RARB: variants seen among roughly 807,000 people sequenced by gnomAD.
RARB encodes retinoic acid receptor beta.
RARB carries 17 observed loss-of-function variants against 51.9 expected under a neutral mutation model. That is an observed-to-expected ratio of 0.33 (90% CI 0.22 to 0.49). RARB has a LOEUF of 0.49. Among genes scored for constraint, RARB ranks in the 20% least tolerant of loss-of-function variants. The pLI is 0.99. For missense variants in RARB, 369 were observed against 550.8 expected (o/e 0.67, Z 3.30); for synonymous variants, 215 against 195.4 (o/e 1.10, Z -0.84).
chr3:25,513,538 A>G (rs941673509), intron 3 of RARB, among the ~76,000 whole-genome samples: 16 of 152,092 alleles, frequency 1.1e-4, no homozygotes, highest in African/African-American at 3.9e-4. Context: ...ACTTTGCACC[A>G]TATGAGTGAT....
At chr3:25,027,055 CAA>C (rs34831440) in intron 2 of RARB, among the ~76,000 whole-genome samples, 21,207 of 152,098 alleles carry the variant, frequency 0.14, 1,906 homozygotes, top group South Asian at 0.26. Flanking sequence ...AATGGGCTCT[CAA>C]GAGCTGTACA....
At chr3:25,095,855 G>A (rs1278597437) in intron 3 of RARB, among the ~76,000 whole-genome samples, 2 of 152,134 alleles carry the variant, frequency 1.3e-5, no homozygotes, top group Non-Finnish European at 2.9e-5. Flanking sequence ...AGTTAATGGT[G>A]ATGTCTTCTT....
chr3:25,107,075 A>G (rs1306059268), intron 3 of RARB, among the ~76,000 whole-genome samples: 1 of 151,892 alleles, frequency 6.6e-6, no homozygotes, highest in Non-Finnish European at 1.5e-5. Flanking sequence ...TAATTTTTGT[A>G]TTTGCAGTAG....
intron 4 of RARB, among the ~76,000 whole-genome samples, chr3:25,159,866 C>T (rs1442721287): frequency 6.6e-6 from 1 of 152,174 alleles, no homozygotes; most frequent in Admixed American, 6.5e-5. Context: ...TAGGTACTAA[C>T]ACCCCAAACA....
At chr3:24,981,428 C>T (rs1696669375) in intron 2 of RARB, among the ~76,000 whole-genome samples, 1 of 152,176 alleles carries the variant, frequency 6.6e-6, no homozygotes, top group African/African-American at 2.4e-5. Context: ...GGGCTCCACC[C>T]AGTTGGAGCT....
intron 2 of RARB, among the ~76,000 whole-genome samples, chr3:25,030,710 A>C (rs1337797773): frequency 1.3e-5 from 2 of 152,154 alleles, no homozygotes; most frequent in Admixed American, 1.3e-4. Flanking sequence ...AAAGCTGTGG[A>C]GAATACTGGG....
chr3:24,860,583 T>C (rs1242913079), intron 2 of RARB, among the ~76,000 whole-genome samples: 1 of 152,138 alleles, frequency 6.6e-6, no homozygotes, highest in Non-Finnish European at 1.5e-5. Context: ...CCTCTTACTC[T>C]CTATACACAC....
intron 5 of RARB, among the ~76,000 whole-genome samples, chr3:25,179,286 C>T (rs1303341924): frequency 6.6e-6 from 1 of 152,136 alleles, no homozygotes; most frequent in African/African-American, 2.4e-5. Context: ...ACAATTGGCT[C>T]AGAGGTGTGG....
At chr3:25,200,052 A>G (rs952540510) in intron 5 of RARB, among the ~76,000 whole-genome samples, 4 of 152,222 alleles carry the variant, frequency 2.6e-5, no homozygotes, top group Admixed American at 1.3e-4. Context: ...ACTAGTTTAC[A>G]GTCCCACCAG....
intron 5 of RARB, among the ~76,000 whole-genome samples, chr3:25,287,981 T>C (rs765703507): frequency 6.6e-6 from 1 of 152,104 alleles, no homozygotes; most frequent in Admixed American, 6.6e-5. Flanking sequence ...AACTTTTCAC[T>C]TATTAGATTT....
At chr3:25,584,724 G>T (rs1198742887) in intron 5 of RARB, among the ~76,000 whole-genome samples, 1 of 152,126 alleles carries the variant, frequency 6.6e-6, no homozygotes, top group East Asian at 1.9e-4. Flanking sequence ...TTTGAGCAGA[G>T]GTGTACCACG....
At chr3:25,434,047 A>G (rs1708318585) in intron 1 of RARB, among the ~76,000 whole-genome samples, 1 of 151,850 alleles carries the variant, frequency 6.6e-6, no homozygotes. Flanking sequence ...GTAAGATAAG[A>G]CTCTCTGCCC....
intron 2 of RARB, among the ~76,000 whole-genome samples, chr3:25,494,277 A>ACACACACACACACACACACACACACG (rs1360036900): frequency 1.5e-5 from 2 of 135,574 alleles, no homozygotes; most frequent in African/African-American, 5.2e-5. Context: ...ACACACACAC[A>ACACACACACACACACACACACACACG]CATGCCATCA....
chr3:25,135,079 A>G (rs745686882), intron 4 of RARB, among the ~76,000 whole-genome samples: 1 of 151,146 alleles, frequency 6.6e-6, no homozygotes. Flanking sequence ...TCTGAGTTTA[A>G]TAGGCCTAGG....
chr3:24,939,781 T>C (rs1013007700), intron 2 of RARB, among the ~76,000 whole-genome samples: 2 of 152,232 alleles, frequency 1.3e-5, no homozygotes, highest in Non-Finnish European at 2.9e-5. Context: ...TACTGGAAGT[T>C]AATTTGTTAG....
chr3:24,967,561 G>A lies in RARB; in HGVS notation c.-379-92564G>A, dbSNP rs116148267. Among the ~76,000 whole-genome samples the A allele has an allele frequency of 6.1e-3, 936 of 152,236 alleles. 13 individuals carry two copies. The highest frequency in any genetic ancestry group is 0.024 in the Middle Eastern group (7 of 294). The stretch of plus-strand genomic sequence containing the variant: ...CAGCAGATTTGCCAGGATAGAGAAT[G>A]AACTGGTTGACTGATAGTAAGAGCC... On this transcript the variant is annotated intron_variant, in intron 2 of 11. Transcript: ENST00000383772.
intron 3 of RARB, among the ~76,000 whole-genome samples, chr3:25,113,167 T>G (rs1013140547): frequency 6.6e-6 from 1 of 152,230 alleles, no homozygotes; most frequent in African/African-American, 2.4e-5. Context: ...CTTTGCCCCT[T>G]TGTATCTATA....
intron 2 of RARB, among the ~76,000 whole-genome samples, chr3:24,879,483 C>CG (rs1432064250): frequency 1.5e-4 from 15 of 98,294 alleles, no homozygotes; most frequent in African/African-American, 4.9e-4. Flanking sequence ...AAAGGATCTC[C>CG]ATTTTTTTTT....
chr3:25,326,063 TAAAG>T (rs1559358190), intron 5 of RARB, among the ~76,000 whole-genome samples: 1 of 152,178 alleles, frequency 6.6e-6, no homozygotes, highest in Admixed American at 6.5e-5. Flanking sequence ...GAGAATTTCT[TAAAG>T]AGAGTTACCA....
Sources: allele counts gnomAD v4.1 joint callset (sites outside exome capture counted in the v4.1 genomes callset), GRCh38; gene constraint gnomAD v4.1.1; transcripts MANE v1.5; gene names NCBI Gene and HGNC (gene_info 2026-07-23, HGNC 2026-07-21).